NR3C2: variants seen among roughly 807,000 people sequenced by gnomAD.
NR3C2 encodes mineralocorticoid receptor.
In NR3C2, 15 loss-of-function variants were observed where a neutral mutation model predicts 86.4. That is an observed-to-expected ratio of 0.17 (90% confidence interval 0.12 to 0.27). NR3C2 has a LOEUF of 0.27. Among genes scored for constraint, NR3C2 ranks in the 10% least tolerant of loss-of-function variants. The pLI, the probability that NR3C2 is intolerant of heterozygous loss-of-function variation, is 1.00. For missense variants in NR3C2, 960 were observed against 1,195.6 expected (o/e 0.80, Z 2.91); for synonymous variants, 458 against 450.5 (o/e 1.02, Z -0.21).
intron 3 of NR3C2, among the ~76,000 whole-genome samples, chr4:148,196,163 G>C (rs1160897107): frequency 1.3e-5 from 2 of 152,128 alleles, no homozygotes; most frequent in African/African-American, 2.4e-5. Context: ...GAGCTGCAAG[G>C]GTTTGCTGAC....
rs556749373 is a variant in NR3C2, at chr4:148,212,682, T to C, written c.1898-17820A>G. Among the ~76,000 whole-genome samples, 5 of 152,296 alleles carry C rather than the reference T, an allele frequency of 3.3e-5. No homozygotes were observed. In the South Asian group the frequency reaches 8.3e-4, roughly 25 times the overall value. ...AAATGAGATGTTCCTTTGAATAAAA[T>C]GAAAATTTAAATGAAAAGTACATTT... On this transcript the variant is annotated intron_variant, in intron 3 of 8. Transcript: ENST00000358102.
chr4:148,399,572 C>A (rs997493826), intron 2 of NR3C2, among the ~76,000 whole-genome samples: 1 of 151,696 alleles, frequency 6.6e-6, no homozygotes, highest in Non-Finnish European at 1.5e-5. Flanking sequence ...ATAATTTTAA[C>A]CTTAGTTTGG....
At chr4:148,123,681 C>A (rs935673845) in intron 6 of NR3C2, among the ~76,000 whole-genome samples, 3 of 152,226 alleles carry the variant, frequency 2.0e-5, no homozygotes, top group African/African-American at 7.2e-5. Context: ...ATAGAAAGAA[C>A]CTACATTGAA....
At chr4:148,344,746 A>G (rs531409542) in intron 2 of NR3C2, among the ~76,000 whole-genome samples, 1 of 152,312 alleles carries the variant, frequency 6.6e-6, no homozygotes, top group South Asian at 2.1e-4. Flanking sequence ...ACAATTACGT[A>G]TGAATTATCT....
intron 2 of NR3C2, among the ~76,000 whole-genome samples, chr4:148,418,718 T>C (rs763715221): frequency 4.6e-5 from 7 of 152,204 alleles, no homozygotes; most frequent in Non-Finnish European, 1.0e-4. Context: ...TATTGAGCAC[T>C]CTCTACATGC....
intron 2 of NR3C2, among the ~76,000 whole-genome samples, chr4:148,394,937 G>C (rs1747784928): frequency 6.6e-6 from 1 of 152,088 alleles, no homozygotes; most frequent in South Asian, 2.1e-4. Flanking sequence ...AGGAAAAAAA[G>C]ATCAACTAAA....
At chr4:148,442,720 C>A (rs902791881), upstream of NR3C2, 1 of 985,274 alleles carries the variant, frequency 1.0e-6, no homozygotes, top group African/African-American at 1.7e-5. Context: ...TCGGCAGCTT[C>A]CTTAAAGCCG....
intron 2 of NR3C2, among the ~76,000 whole-genome samples, chr4:148,372,813 TTC>T (rs141700523): frequency 6.6e-6 from 1 of 152,334 alleles, no homozygotes; most frequent in Non-Finnish European, 1.5e-5. Flanking sequence ...TTCCACTGAT[TTC>T]TGACTATGCT....
At chr4:148,406,692 A>G (rs1241903265) in intron 2 of NR3C2, among the ~76,000 whole-genome samples, 2 of 152,196 alleles carry the variant, frequency 1.3e-5, no homozygotes, top group East Asian at 3.8e-4. Context: ...GCTTTAACTA[A>G]GAATCTGACT....
rs558281827 is a variant in NR3C2 at position 148,409,839 on chromosome 4, A to G, written c.1757+25265T>C. 4.6e-5 allele frequency among the ~76,000 whole-genome samples: 7 copies of G among 152,266 alleles called. No homozygotes were observed. The East Asian group carries it at 1.2e-3, about 25-fold the overall frequency. On this transcript the variant is annotated intron_variant, in intron 2 of 8. Coordinates refer to ENST00000358102, the MANE Select transcript of NR3C2 (RefSeq NM_000901.5). The stretch of plus-strand genomic sequence containing the variant: ...CAGTCCTAAATTCTGTTTTTTAACC[A>G]GTGATTTTTCCTTAGGAATGTAAGG...
At chr4:148,377,743 T>C (rs1335294024) in intron 2 of NR3C2, among the ~76,000 whole-genome samples, 2 of 152,160 alleles carry the variant, frequency 1.3e-5, no homozygotes, top group African/African-American at 4.8e-5. Flanking sequence ...CAAGGCAATG[T>C]CAGATACTTC....
chr4:148,190,389 TGA>T (rs1736139408), intron 4 of NR3C2, among the ~76,000 whole-genome samples: 1 of 152,216 alleles, frequency 6.6e-6, no homozygotes, highest in African/African-American at 2.4e-5. Context: ...CACTGTGGTC[TGA>T]GAGAGTGCTT....
At chr4:148,404,706 A>G (rs1353604475) in intron 2 of NR3C2, among the ~76,000 whole-genome samples, 1 of 152,196 alleles carries the variant, frequency 6.6e-6, no homozygotes, top group Non-Finnish European at 1.5e-5. Flanking sequence ...AAAACATAAT[A>G]TCAAAGCACA....
chr4:148,193,514 G>A (rs1349140258), intron 4 of NR3C2, among the ~76,000 whole-genome samples: 1 of 152,158 alleles, frequency 6.6e-6, no homozygotes, highest in Non-Finnish European at 1.5e-5. Flanking sequence ...CCTGAATCCA[G>A]TATTGCACAT....
rs189125006 is a variant in NR3C2 at position 148,116,679 on chromosome 4, A to G, written c.2642-2418T>C. On this transcript the variant is annotated intron_variant, in intron 7 of 8. Coordinates refer to ENST00000358102, the MANE Select transcript of NR3C2 (RefSeq NM_000901.5). ...TTATGGTTCATAAAATGCTTTACCT[A>G]TGTTTTTTCCTACCTTTTTATTTTG... Among the ~76,000 whole-genome samples the G allele has an allele frequency of 2.9e-4, 44 of 152,108 alleles. No homozygotes were observed. The East Asian group carries it at 7.7e-3, about 27-fold the overall frequency.
At position 148,182,979 on chromosome 4, in the gene NR3C2, A is replaced by G. The variant is rs189128606; in HGVS notation, c.2014+11767T>C. 7.2e-5 allele frequency among the ~76,000 whole-genome samples: 11 copies of G among 151,958 alleles called. No homozygotes were observed. In the East Asian group the frequency reaches 2.1e-3, roughly 29 times the overall value. On this transcript the variant is annotated intron_variant, in intron 4 of 8. Transcript: ENST00000358102. ...TGCTATACCTCCCCCTCTGCCCCCAACTCCACAACAGGCCCCAGTGTGTGA... is the reference window on the plus strand; with the variant it reads ...TGCTATACCTCCCCCTCTGCCCCCAGCTCCACAACAGGCCCCAGTGTGTGA...
chr4:148,165,343 T>A (rs1387865115), intron 4 of NR3C2, among the ~76,000 whole-genome samples: 6 of 151,822 alleles, frequency 4.0e-5, no homozygotes, highest in Non-Finnish European at 4.4e-5. Context: ...ATTTCAGAAT[T>A]TTTTTTTATG....
In NR3C2 at chr4:148,436,653, GTTC is replaced by G. The variant is rs1560737625; in HGVS notation, c.205_207del (p.Glu69del). 6.2e-7 allele frequency: 1 copy of G among 1,614,222 alleles called. No homozygotes were observed. The highest frequency in any genetic ancestry group is 8.5e-7 in the Non-Finnish European group (1 of 1,180,038). On this transcript the variant is annotated inframe_deletion, in exon 2 of 9. Transcript: ENST00000358102. ...TTGTCTTGCTGAAGGCAAGGGAGTA[GTTC>G]TTGTTTTTCTTTGCTGCTTCCTTGA...
At chr4:148,113,070 C>G (rs965575946) in intron 8 of NR3C2, among the ~76,000 whole-genome samples, 1 of 152,110 alleles carries the variant, frequency 6.6e-6, no homozygotes, top group Non-Finnish European at 1.5e-5. Context: ...CAAAATAAAA[C>G]AAGAAGCATA....
Sources: allele counts gnomAD v4.1 joint callset (sites outside exome capture counted in the v4.1 genomes callset), GRCh38; gene constraint gnomAD v4.1.1; transcripts MANE v1.5; gene names NCBI Gene and HGNC (gene_info 2026-07-23, HGNC 2026-07-21).